Variants in PODXL observed in about 807,000 individuals in gnomAD.
The protein encoded by PODXL is podocalyxin like.
A neutral mutation model predicts 48.9 loss-of-function variants in PODXL; 20 were observed. The ratio of observed to expected loss-of-function variants is 0.41; its 90% confidence interval spans 0.29 to 0.59. The LOEUF is 0.59. Ranked by LOEUF, PODXL falls within the 20% of genes least tolerant of loss-of-function variation. The pLI is 0.31. For synonymous variants in PODXL, 295 were observed against 287.4 expected, an observed-to-expected ratio of 1.03 and a Z score of -0.27; for missense variants, 606 against 675.1, an observed-to-expected ratio of 0.90 and a Z score of 1.13.
At chr7:131,541,458 C>A (rs1474121200) in intron 1 of PODXL, among the ~76,000 whole-genome samples, 1 of 151,960 alleles carries the variant, frequency 6.6e-6, no homozygotes, top group Non-Finnish European at 1.5e-5. Flanking sequence ...GAGGCCGAGG[C>A]GGGTGGATCA....
At chr7:131,547,375 A>AAAAAAAC (rs1798596795) in intron 1 of PODXL, among the ~76,000 whole-genome samples, 1 of 4,674 alleles carries the variant, frequency 2.1e-4, no homozygotes, top group Non-Finnish European at 5.5e-4. Context: ...ACTCCGTCTC[A>AAAAAAAC]AAAAAAAAAA....
In PODXL at chr7:131,511,450, C is replaced by A; in HGVS notation, c.101-17G>T. The A allele has an allele frequency of 6.3e-7, 1 of 1,599,222 alleles. No homozygotes were observed. Among genetic ancestry groups the A allele is most frequent in the Non-Finnish European group, 8.5e-7 (1 of 1,179,600 alleles). On this transcript the variant is annotated splice_polypyrimidine_tract_variant and intron_variant, in intron 1 of 8. Coordinates refer to ENST00000378555, the MANE Select transcript of PODXL (RefSeq NM_001018111.3). ...TCTGGGTTGCTGTTTGTAAAGATAA[C>A]AGAGAATGGAGTTAGGGCTGGGAGG...
intron 1 of PODXL, among the ~76,000 whole-genome samples, chr7:131,554,988 C>T (rs1016502098): frequency 8.5e-5 from 13 of 152,190 alleles, no homozygotes; most frequent in Admixed American, 3.3e-4. Flanking sequence ...TTCCCCCCGC[C>T]GGGACCTTCC....
intron 1 of PODXL, among the ~76,000 whole-genome samples, chr7:131,534,076 C>A (rs1226528277): frequency 6.6e-6 from 1 of 152,160 alleles, no homozygotes; most frequent in Non-Finnish European, 1.5e-5. Context: ...CCCGTTAGAG[C>A]CGCGCAGCCC....
intron 5 of PODXL, 119 bp from the exon 6 acceptor site, chr7:131,506,845 T>A: frequency 9.1e-7 from 1 of 1,100,330 alleles, no homozygotes; most frequent in Non-Finnish European, 1.3e-6. Context: ...CCTGCCTCCC[T>A]CTCTAGCCCC....
chr7:131,509,468 G>A lies in PODXL; in HGVS notation c.920C>T (p.Thr307Ile). ...QPTSPATALR[T>I]PTLPETMSSS... ...GCTCATGGTCTCTGGCAGGGTAGGT[G>A]TTCTCAATGCCGTTGCCGGGCTCGT... The change falls in exon 4 of 9, where the codon ACA (threonine) becomes ATA (isoleucine). Residue 307 changes from threonine (T) to isoleucine (I), a missense_variant. Physicochemically the swap from Thr to Ile is moderately conservative, Grantham distance 89. Transcript: ENST00000378555. The A allele has an allele frequency of 6.2e-7, 1 of 1,614,034 alleles. No individual in the cohort carries two copies. Among genetic ancestry groups the A allele is most frequent in the Non-Finnish European group, 8.5e-7 (1 of 1,179,968 alleles).
intron 1 of PODXL, among the ~76,000 whole-genome samples, chr7:131,542,417 A>T (rs1468614452): frequency 1.3e-5 from 2 of 152,174 alleles, no homozygotes; most frequent in Non-Finnish European, 2.9e-5. Flanking sequence ...GCACTTTGGG[A>T]GGCTGAGGCA....
chr7:131,551,908 G>C (rs1227135750), intron 1 of PODXL, among the ~76,000 whole-genome samples: 1 of 146,906 alleles, frequency 6.8e-6, no homozygotes, highest in Non-Finnish European at 1.5e-5. Flanking sequence ...CTGCAGTCCA[G>C]CCTGGGTGAC....
Position 131,556,531 on chromosome 7 carries a change from C to A in PODXL, c.-172G>T. The stretch of plus-strand genomic sequence containing the variant: ...CTGCGGCGGCTCTTCCTCCCTGCCG[C>A]TGCAGCAGAGCCGGGCTGGGGCGCA... On this transcript the variant is annotated 5_prime_UTR_variant, in exon 1 of 9. Coordinates refer to ENST00000378555, the MANE Select transcript of PODXL (RefSeq NM_001018111.3). The A allele has an allele frequency of 1.3e-6, 1 of 751,514 alleles. No individual in the cohort carries two copies. The highest frequency in any genetic ancestry group is 1.8e-6 in the Non-Finnish European group (1 of 550,788). 46.6% of individuals were successfully genotyped at this position (751,514 alleles called of 1,614,324 possible). A position where few individuals can be genotyped will look rare whatever the true frequency, so the allele number is the denominator to read the frequency against.
intron 1 of PODXL, among the ~76,000 whole-genome samples, chr7:131,541,954 G>A (rs921096043): frequency 6.6e-6 from 1 of 152,158 alleles, no homozygotes; most frequent in Non-Finnish European, 1.5e-5. Flanking sequence ...TCCCCTAAAA[G>A]TAGTTTCATG....
intron 1 of PODXL, among the ~76,000 whole-genome samples, chr7:131,554,375 CA>C (rs1584838114): frequency 6.6e-6 from 1 of 152,194 alleles, no homozygotes; most frequent in African/African-American, 2.4e-5. Flanking sequence ...AAGTGCTTCC[CA>C]ACAGTGCTGC....
intron 1 of PODXL, among the ~76,000 whole-genome samples, chr7:131,537,584 C>T (rs1798397004): frequency 2.2e-5 from 1 of 45,514 alleles, no homozygotes; most frequent in African/African-American, 6.1e-5. Flanking sequence ...GGAAGCAAGA[C>T]TCCGCCCCAC....
rs571291467 is a variant in PODXL at position 131,503,816 on chromosome 7, C to G, written c.*495G>C. On this transcript the variant is annotated 3_prime_UTR_variant, in exon 9 of 9. Transcript: ENST00000378555. ...AGATCCCACCGAGCCAGGATGTAGC[C>G]CTGCCCTCCTTTCCAGCCCAGCCAC... 125 of 161,018 alleles carry G rather than the reference C, an allele frequency of 7.8e-4. No homozygotes were observed. The highest frequency in any genetic ancestry group is 6.0e-3 in the Middle Eastern group (2 of 332). The allele number at this position is 161,018 out of a possible 1,614,324, so 10.0% of individuals were successfully genotyped here.
intron 5 of PODXL, 120 bp from the exon 6 acceptor site, chr7:131,506,846 C>A: frequency 9.1e-7 from 1 of 1,095,582 alleles, no homozygotes; most frequent in Non-Finnish European, 1.3e-6. Flanking sequence ...CTGCCTCCCT[C>A]TCTAGCCCCA....
rs60701480 is a variant in PODXL at position 131,512,994 on chromosome 7, C to CAAAAA, written c.101-1566_101-1562dup. Among the ~76,000 whole-genome samples, 597 of 95,682 alleles carry CAAAAA rather than the reference C, an allele frequency of 6.2e-3. 17 individuals carry two copies. The highest frequency in any genetic ancestry group is 0.024 in the African/African-American group (556 of 22,702). The allele number at this position is 95,682 out of a possible 152,430, so 62.8% of individuals were successfully genotyped here. On this transcript the variant is annotated intron_variant, in intron 1 of 8. Transcript: ENST00000378555. ...TGGGCGACTGAGCAAGACTCCGTCTCAAAAAAAAAAAAAAAAAAAATCACA... is the reference window on the plus strand; with the variant it reads ...TGGGCGACTGAGCAAGACTCCGTCTCAAAAAAAAAAAAAAAAAAAAAAAAATCACA...
chr7:131,552,926 A>G (rs980690537), intron 1 of PODXL, among the ~76,000 whole-genome samples: 1 of 152,122 alleles, frequency 6.6e-6, no homozygotes, highest in Non-Finnish European at 1.5e-5. Flanking sequence ...AGCTGGGACT[A>G]CAGGCGTGTG....
rs776997150 is a variant in PODXL at position 131,555,230 on chromosome 7, C to T, written c.100+1030G>A. On this transcript the variant is annotated intron_variant, in intron 1 of 8. Transcript: ENST00000378555. ...TGCTGTCCCCGCAGTCCTCCTGGCCCTAGGGTGATCACACCACCTCAGCTC... is the reference window on the plus strand; with the variant it reads ...TGCTGTCCCCGCAGTCCTCCTGGCCTTAGGGTGATCACACCACCTCAGCTC... 3.5e-4 allele frequency among the ~76,000 whole-genome samples: 53 copies of T among 152,272 alleles called. No homozygotes were observed. The Middle Eastern group carries it at 0.014, about 39-fold the overall frequency.
rs955260297 is a variant in PODXL at position 131,556,097 on chromosome 7, G to T, written c.100+163C>A. Among the ~76,000 whole-genome samples, 9 of 152,206 alleles carry T rather than the reference G, an allele frequency of 5.9e-5. No individual in the cohort carries two copies. The East Asian group carries it at 1.5e-3, about 26-fold the overall frequency. ...ACCTGCCGCGCTGCGGAGTTTGGAGGGGGCGTGGATGGTGCAAGGTCAGGG... is the reference window on the plus strand; with the variant it reads ...ACCTGCCGCGCTGCGGAGTTTGGAGTGGGCGTGGATGGTGCAAGGTCAGGG... On this transcript the variant is annotated intron_variant, in intron 1 of 8. Coordinates refer to ENST00000378555, the MANE Select transcript of PODXL (RefSeq NM_001018111.3).
intron 1 of PODXL, among the ~76,000 whole-genome samples, chr7:131,530,612 G>A (rs1246749806): frequency 6.6e-6 from 1 of 151,838 alleles, no homozygotes; most frequent in Admixed American, 6.6e-5. Context: ...TGAGTATGGT[G>A]GAGGGGCACC....
Sources: gnomAD v4.1 joint callset for allele counts (sites outside exome capture counted in the v4.1 genomes callset) on GRCh38, gnomAD v4.1.1 for gene constraint, MANE v1.5 for transcripts, NCBI Gene and HGNC (gene_info 2026-07-23, HGNC 2026-07-21) for gene names.